Variants in RPN2 observed in about 807,000 individuals in gnomAD.
RPN2 encodes ribophorin II, also known as dolichyl-diphosphooligosaccharide--protein glycosyltransferase subunit 2.
A neutral mutation model predicts 71.4 loss-of-function variants in RPN2; 29 were observed. The observed-to-expected ratio is 0.41, with a 90% CI of 0.30 to 0.55. The LOEUF is 0.55. RPN2 is among the 20% of genes least tolerant of loss of function. The probability of loss-of-function intolerance (pLI) is 0.35; values close to 1 mark genes in which losing one functional copy is unlikely to be tolerated. For missense variants in RPN2, 726 were observed against 774.1 expected (o/e 0.94, Z 0.74); for synonymous variants, 308 against 305.0 (o/e 1.01, Z -0.10).
At chr20:37,205,007 G>A in intron 6 of RPN2, 106 bp downstream of exon 6, 2 of 1,492,908 alleles carry the variant, frequency 1.3e-6, no homozygotes, top group East Asian at 2.3e-5. Flanking sequence ...ACCTTGGGAT[G>A]CTGTCACTCA....
Position 37,199,218 on chromosome 20 carries a change from G to T in RPN2, c.472G>T (p.Val158Leu). ...LTARLSKEET[V>L]LATVQALQTA... is the part of the protein sequence containing the mutation. ...TGCTCGTCTCAGCAAGGAGGAGACT[G>T]TGCTGGCGTGAGTTGTCATCTCGAG... Residue 158 changes from valine to leucine, a missense_variant, in exon 4 of 17, where the codon GTG becomes TTG. By Grantham distance (32) the Val-to-Leu change is conservative (BLOSUM62 1). Coordinates refer to ENST00000237530, the MANE Select transcript of RPN2 (RefSeq NM_002951.5). 6.2e-7 allele frequency: 1 copy of T among 1,613,762 alleles called. No individual in the cohort carries two copies. The highest frequency in any genetic ancestry group is 8.5e-7 in the Non-Finnish European group (1 of 1,180,034).
intron 16 of RPN2, 109 bp from the exon 17 acceptor site, chr20:37,241,194 G>T: frequency 1.6e-6 from 2 of 1,226,650 alleles, no homozygotes; most frequent in East Asian, 2.4e-5. Flanking sequence ...CTTATAAATG[G>T]GATCTTAGAG....
At chr20:37,238,556 A>C in intron 16 of RPN2, 1 of 801,352 alleles carries the variant, frequency 1.2e-6, no homozygotes, top group Non-Finnish European at 2.2e-6. Flanking sequence ...TGCTCCTCCC[A>C]CCCCTCCCTA....
chr20:37,211,817 A>T (rs962420821), intron 8 of RPN2, among the ~76,000 whole-genome samples: 3 of 151,564 alleles, frequency 2.0e-5, no homozygotes, highest in Non-Finnish European at 4.4e-5. Flanking sequence ...TGCTCATTGC[A>T]ATCTCCACCT....
intron 2 of RPN2, among the ~76,000 whole-genome samples, chr20:37,188,861 C>T (rs1031322034): frequency 2.6e-5 from 4 of 151,282 alleles, no homozygotes; most frequent in African/African-American, 9.7e-5. Flanking sequence ...CGGGTCAAGC[C>T]ATCCTCCTGC....
Position 37,234,060 on chromosome 20 carries a change from C to T in RPN2, c.1718C>T (p.Ala573Val). The T allele has an allele frequency of 1.9e-6, 3 of 1,614,210 alleles. No individual in the cohort carries two copies. The highest frequency in any genetic ancestry group is 2.5e-6 in the Non-Finnish European group (3 of 1,180,038). The change falls in exon 15 of 17, where the codon GCT (alanine) becomes GTT (valine). Residue 573 changes from alanine to valine, a missense_variant. By Grantham distance (64) the Ala-to-Val change is moderately conservative. Coordinates refer to ENST00000237530, the MANE Select transcript of RPN2 (RefSeq NM_002951.5). ...GCCAATGTCTCCAACTTCACTTTTG[C>T]TCCTAGCACGATTATATTTCACCTG... ...IGANVSNFTF[A>V]PSTIIFHLGH...
At chr20:37,197,100 C>T (rs1000915150) in intron 2 of RPN2, among the ~76,000 whole-genome samples, 6 of 151,976 alleles carry the variant, frequency 3.9e-5, no homozygotes, top group Non-Finnish European at 8.8e-5. Flanking sequence ...CGTCAAATGG[C>T]GAGAGCGTGG....
chr20:37,180,589 A>G (rs1026563953), intron 1 of RPN2, among the ~76,000 whole-genome samples: 14 of 152,162 alleles, frequency 9.2e-5, no homozygotes, highest in Admixed American at 7.2e-4. Flanking sequence ...GCCATTCACT[A>G]GATCTTCATA....
chr20:37,226,583 A>G (rs1015771510), intron 11 of RPN2, among the ~76,000 whole-genome samples: 1 of 152,206 alleles, frequency 6.6e-6, no homozygotes, highest in Admixed American at 6.5e-5. Flanking sequence ...AGAAGACCCA[A>G]AGCATTTTTT....
intron 11 of RPN2, among the ~76,000 whole-genome samples, chr20:37,227,795 A>G (rs1434194776): frequency 6.6e-6 from 1 of 152,236 alleles, no homozygotes. Context: ...TTCTTGTGCC[A>G]TTAGTGGGGA....
At chr20:37,238,653 G>GC in intron 16 of RPN2, 1 of 738,548 alleles carries the variant, frequency 1.4e-6, no homozygotes, top group East Asian at 2.5e-5. Context: ...AGTTAGCCCA[G>GC]CTGATGGGAT....
At chr20:37,227,762 T>G (rs1307879273) in intron 11 of RPN2, among the ~76,000 whole-genome samples, 1 of 152,230 alleles carries the variant, frequency 6.6e-6, no homozygotes, top group African/African-American at 2.4e-5. Flanking sequence ...TTTGGTCCAG[T>G]TCTAATGTGC....
At chr20:37,197,820 C>T (rs1237443029) in intron 2 of RPN2, among the ~76,000 whole-genome samples, 2 of 152,052 alleles carry the variant, frequency 1.3e-5, no homozygotes, top group African/African-American at 4.8e-5. Flanking sequence ...CTGGTCTCAA[C>T]TCCTGAGCTC....
intron 9 of RPN2, among the ~76,000 whole-genome samples, chr20:37,220,963 A>G (rs1477668290): frequency 2.6e-5 from 4 of 152,202 alleles, no homozygotes; most frequent in African/African-American, 9.6e-5. Flanking sequence ...GCTGAGAGCA[A>G]ACCAAGAATG....
intron 9 of RPN2, among the ~76,000 whole-genome samples, chr20:37,223,566 A>AT (rs1336478431): frequency 6.6e-5 from 10 of 151,306 alleles, no homozygotes; most frequent in Admixed American, 5.9e-4. Flanking sequence ...CTGCTTAAGG[A>AT]TTTTTCCCCT....
intron 1 of RPN2, 94 bp from the exon 2 acceptor site, chr20:37,184,085 AT>A (rs2066944648): frequency 8.2e-6 from 12 of 1,457,616 alleles, no homozygotes; most frequent in Non-Finnish European, 9.6e-6. Flanking sequence ...TCCCCATGTG[AT>A]TTGGTTCCCA....
At chr20:37,224,646 G>T (rs926047639) in intron 10 of RPN2, among the ~76,000 whole-genome samples, 7 of 152,170 alleles carry the variant, frequency 4.6e-5, no homozygotes, top group Admixed American at 2.0e-4. Flanking sequence ...CCAGAATGCT[G>T]TAAGAAGCCT....
intron 1 of RPN2, among the ~76,000 whole-genome samples, chr20:37,182,058 T>TGATA (rs1239074709): frequency 6.6e-6 from 1 of 151,968 alleles, no homozygotes; most frequent in Non-Finnish European, 1.5e-5. Flanking sequence ...ATACACCACG[T>TGATA]GATAGATTTT....
At chr20:37,211,910 G>A (rs143386218) in intron 8 of RPN2, among the ~76,000 whole-genome samples, 4 of 151,498 alleles carry the variant, frequency 2.6e-5, no homozygotes, top group South Asian at 2.1e-4. Context: ...GCTAATTTTC[G>A]TATTTTCGGT....
Sources: gnomAD v4.1 joint callset for allele counts (sites outside exome capture counted in the v4.1 genomes callset) on GRCh38, gnomAD v4.1.1 for gene constraint, MANE v1.5 for transcripts, NCBI Gene and HGNC (gene_info 2026-07-23, HGNC 2026-07-21) for gene names.